The following GPATCH8 variants were observed in gnomAD, a reference collection of about 807,000 sequenced individuals.
GPATCH8 encodes G-patch domain containing 8, also known as G patch domain-containing protein 8.
In GPATCH8, 18 loss-of-function variants were observed where a neutral mutation model predicts 118.3. The observed-to-expected ratio is 0.15, with a 90% CI of 0.11 to 0.23. The LOEUF (loss-of-function observed/expected upper bound fraction) is 0.23. Ranked by LOEUF, GPATCH8 falls within the 10% of genes least tolerant of loss-of-function variation. GPATCH8 has a pLI of 1.00. For synonymous variants in GPATCH8, 659 were observed against 684.7 expected (o/e 0.96, Z 0.59); for missense variants, 1,631 against 1,873.8 (o/e 0.87, Z 2.39).
At chr17:44,455,266 C>T (rs2051284359) in intron 3 of GPATCH8, among the ~76,000 whole-genome samples, 1 of 152,100 alleles carries the variant, frequency 6.6e-6, no homozygotes, top group African/African-American at 2.4e-5. Flanking sequence ...CTGTGGGAGG[C>T]CGAGGTGGGC....
rs1966933160 is a variant in GPATCH8, at chr17:44,467,973, AT to A, written c.121-3430del. On this transcript the variant is annotated intron_variant, in intron 2 of 7. Transcript: ENST00000591680. Reference sequence around the variant, plus strand: ...TCTATTCTCTCTGTTAACGACTGTAATTTTTGCAAATTATTCCAATTATTCC... The same window carrying A: ...TCTATTCTCTCTGTTAACGACTGTAATTTTGCAAATTATTCCAATTATTCC... Among the ~76,000 whole-genome samples the A allele has an allele frequency of 2.0e-5, 3 of 152,058 alleles. No homozygotes were observed. The South Asian group carries it at 6.2e-4, about 32-fold the overall frequency.
chr17:44,443,946 T>C (rs2050785879), intron 3 of GPATCH8, among the ~76,000 whole-genome samples: 1 of 152,210 alleles, frequency 6.6e-6, no homozygotes, highest in Admixed American at 6.5e-5. Context: ...GGTGCTGGGA[T>C]TACAGACATG....
chr17:44,458,591 A>G (rs958034592), intron 3 of GPATCH8, among the ~76,000 whole-genome samples: 1 of 152,132 alleles, frequency 6.6e-6, no homozygotes, highest in Non-Finnish European at 1.5e-5. Context: ...GCACAATCAC[A>G]GCTCACTGCA....
intron 5 of GPATCH8, among the ~76,000 whole-genome samples, chr17:44,433,628 A>G (rs187248631): frequency 2.4e-3 from 364 of 152,278 alleles, no homozygotes; most frequent in African/African-American, 8.6e-3. Flanking sequence ...AAAGATGATG[A>G]AACATGGTGT....
chr17:44,401,670 A>G (rs939260960), intron 7 of GPATCH8, among the ~76,000 whole-genome samples: 6 of 152,174 alleles, frequency 3.9e-5, no homozygotes, highest in African/African-American at 9.7e-5. Flanking sequence ...CCAAATTCCC[A>G]GGGCCAGCCA....
chr17:44,477,333 C>T (rs2144393999), intron 1 of GPATCH8, among the ~76,000 whole-genome samples: 1 of 152,244 alleles, frequency 6.6e-6, no homozygotes, highest in South Asian at 2.1e-4. Context: ...CAGTGATGAA[C>T]AAGTTCTAGA....
rs1232749669 is a variant in GPATCH8, at chr17:44,502,366, T to G, written c.45+960A>C. On this transcript the variant is annotated intron_variant, in intron 1 of 7. Coordinates refer to ENST00000591680, the MANE Select transcript of GPATCH8 (RefSeq NM_001002909.4). ...ATGCGGTAGTAATGCAGTGTTTTTT[T>G]TTTTTTTTTGAGACTCTACGGATGT... Among the ~76,000 whole-genome samples, 3 of 152,168 alleles carry G rather than the reference T, an allele frequency of 2.0e-5. No individual in the cohort carries two copies. In the East Asian group the frequency reaches 5.8e-4, roughly 29 times the overall value.
chr17:44,402,612 C>T (rs1471671223), intron 7 of GPATCH8, among the ~76,000 whole-genome samples: 1 of 151,976 alleles, frequency 6.6e-6, no homozygotes, highest in Non-Finnish European at 1.5e-5. Context: ...AGTGAGACCC[C>T]ACCTCTAAAA....
intron 3 of GPATCH8, among the ~76,000 whole-genome samples, chr17:44,437,651 C>T (rs568146786): frequency 1.1e-4 from 15 of 130,994 alleles, no homozygotes; most frequent in Non-Finnish European, 2.2e-4. Flanking sequence ...ATTACCCTCC[C>T]AACCCCAAAA....
Position 44,397,812 on chromosome 17 carries a change from G to C in GPATCH8, c.4265C>G (p.Thr1422Ser). 6.3e-7 allele frequency: 1 copy of C among 1,588,502 alleles called. No individual in the cohort carries two copies. The highest frequency in any genetic ancestry group is 8.6e-7 in the Non-Finnish European group (1 of 1,164,770). The change falls in exon 8 of 8, where the codon ACT becomes AGT. Residue 1422 changes from threonine (T) to serine (S), a missense_variant. Transcript: ENST00000591680. ...HLTPISLSHL[T>S]HSIIPGHPAT... ...AGGGTGGCCAGGGATGATTGAGTGA[G>C]TGAGGTGGGACAAAGAAATGGGGGT...
At chr17:44,409,726 T>G (rs2049363919) in intron 6 of GPATCH8, among the ~76,000 whole-genome samples, 1 of 152,164 alleles carries the variant, frequency 6.6e-6, no homozygotes, top group Non-Finnish European at 1.5e-5. Flanking sequence ...ATCTACAGAT[T>G]AACAAGATTA....
intron 6 of GPATCH8, among the ~76,000 whole-genome samples, chr17:44,412,310 A>G (rs2143771961): frequency 6.6e-6 from 1 of 152,306 alleles, no homozygotes; most frequent in African/African-American, 2.4e-5. Flanking sequence ...GGATTGCTTG[A>G]GTTCAAGGTC....
At chr17:44,424,735 T>C (rs1162129373) in intron 5 of GPATCH8, among the ~76,000 whole-genome samples, 1 of 152,208 alleles carries the variant, frequency 6.6e-6, no homozygotes, top group African/African-American at 2.4e-5. Context: ...AACTGATAAG[T>C]ATAATGCAAA....
intron 1 of GPATCH8, among the ~76,000 whole-genome samples, chr17:44,480,142 A>G (rs892446630): frequency 1.3e-5 from 2 of 152,220 alleles, no homozygotes; most frequent in Non-Finnish European, 2.9e-5. Flanking sequence ...CCAATTTTTA[A>G]AGTGGGCATA....
chr17:44,425,167 A>G (rs1036242956), intron 5 of GPATCH8, among the ~76,000 whole-genome samples: 2 of 152,232 alleles, frequency 1.3e-5, no homozygotes, highest in Admixed American at 6.5e-5. Flanking sequence ...CAAGTTGAGT[A>G]TATTCATTTG....
chr17:44,459,586 A>G (rs2051467640), intron 3 of GPATCH8, among the ~76,000 whole-genome samples: 1 of 152,208 alleles, frequency 6.6e-6, no homozygotes, highest in Admixed American at 6.5e-5. Context: ...AAAATTAGTG[A>G]GACTTCCTAC....
intron 1 of GPATCH8, among the ~76,000 whole-genome samples, chr17:44,502,258 C>T (rs1970124618): frequency 6.6e-6 from 1 of 152,098 alleles, no homozygotes; most frequent in Non-Finnish European, 1.5e-5. Context: ...AGAGTGCTTT[C>T]GTACTGCTTT....
intron 2 of GPATCH8, chr17:44,465,957 GACAGCATGCAA>G (rs2051746699): frequency 3.9e-5 from 6 of 152,264 alleles, no homozygotes; most frequent in Non-Finnish European, 8.8e-5. Flanking sequence ...GTAAGTTTAT[GACAGCATGCAA>G]CCTGGAAAAC....
chr17:44,485,337 C>T (rs549669040), intron 1 of GPATCH8, among the ~76,000 whole-genome samples: 2 of 152,226 alleles, frequency 1.3e-5, no homozygotes, highest in East Asian at 3.9e-4. Context: ...TGGTTTCAAA[C>T]CCCTGGTCTC....
Sources: allele counts gnomAD v4.1 joint callset (sites outside exome capture counted in the v4.1 genomes callset), GRCh38; gene constraint gnomAD v4.1.1; transcripts MANE v1.5; gene names NCBI Gene and HGNC (gene_info 2026-07-23, HGNC 2026-07-21).